The following KSR2 variants were observed in gnomAD, a reference collection of about 807,000 sequenced individuals.
The protein encoded by KSR2 is kinase suppressor of ras 2.
A neutral mutation model predicts 107.8 loss-of-function variants in KSR2; 25 were observed. The ratio of observed to expected loss-of-function variants is 0.23; its 90% CI spans 0.17 to 0.32. KSR2 has a LOEUF of 0.32. Ranked by LOEUF, KSR2 falls within the 10% of genes least tolerant of loss-of-function variation. The pLI is 1.00. For missense variants in KSR2, 887 were observed against 1,268.9 expected (o/e 0.70, Z 4.57); for synonymous variants, 480 against 507.0 (o/e 0.95, Z 0.71).
chr12:117,554,535 C>T (rs1236748997), intron 9 of KSR2, among the ~76,000 whole-genome samples: 1 of 152,072 alleles, frequency 6.6e-6, no homozygotes, highest in Non-Finnish European at 1.5e-5. Flanking sequence ...TCCCACAATT[C>T]CCACATGTCA....
At chr12:117,943,372 A>G (rs1272636991) in intron 1 of KSR2, among the ~76,000 whole-genome samples, 2 of 152,006 alleles carry the variant, frequency 1.3e-5, no homozygotes, top group African/African-American at 4.8e-5. Flanking sequence ...TTGAACCATC[A>G]TGTACAACTA....
intron 4 of KSR2, among the ~76,000 whole-genome samples, chr12:117,737,063 A>G (rs1275750733): frequency 6.6e-6 from 1 of 152,074 alleles, no homozygotes; most frequent in African/African-American, 2.4e-5. Context: ...TTCAAACACC[A>G]TTTTCACCTG....
chr12:117,781,229 T>A (rs1345852739), intron 3 of KSR2, among the ~76,000 whole-genome samples: 1 of 152,226 alleles, frequency 6.6e-6, no homozygotes, highest in African/African-American at 2.4e-5. Flanking sequence ...CTCCCAGTCA[T>A]GTGGAATTGT....
At chr12:117,648,792 C>A (rs918004651) in intron 5 of KSR2, among the ~76,000 whole-genome samples, 2 of 152,212 alleles carry the variant, frequency 1.3e-5, no homozygotes, top group Admixed American at 1.3e-4. Flanking sequence ...TCCAACCAAT[C>A]ACGCCAAGCC....
chr12:117,593,816 T>C (rs1383758803), intron 5 of KSR2, among the ~76,000 whole-genome samples: 1 of 152,262 alleles, frequency 6.6e-6, no homozygotes, highest in African/African-American at 2.4e-5. Context: ...TCTCTCTTCC[T>C]GGCTGGAGAA....
chr12:117,895,058 T>C (rs974235207), intron 1 of KSR2, among the ~76,000 whole-genome samples: 1 of 151,514 alleles, frequency 6.6e-6, no homozygotes, highest in Non-Finnish European at 1.5e-5. Flanking sequence ...AGTCAGACTC[T>C]GTCTCTACAA....
intron 4 of KSR2, among the ~76,000 whole-genome samples, chr12:117,754,146 T>G (rs1456545477): frequency 6.6e-6 from 1 of 152,116 alleles, no homozygotes; most frequent in East Asian, 1.9e-4. Flanking sequence ...TTCTAACACA[T>G]TCCAACACAC....
intron 1 of KSR2, among the ~76,000 whole-genome samples, chr12:117,930,221 A>G (rs1895659037): frequency 6.6e-6 from 1 of 152,058 alleles, no homozygotes. Context: ...TTTAGCAGAG[A>G]AGGGTTTTAG....
At chr12:117,488,700 C>CT (rs71099056) in intron 14 of KSR2, among the ~76,000 whole-genome samples, 35,751 of 144,556 alleles carry the variant, frequency 0.25, 4,687 homozygotes, top group East Asian at 0.34. Context: ...TTTCTTTTTT[C>CT]TTTTTTTTTT....
At position 117,968,148 on chromosome 12, in the gene KSR2, G is replaced by A. The variant is rs753522586; in HGVS notation, c.108C>T (p.Ser36=). Residue 36 remains serine (S), a synonymous_variant, in exon 1 of 20, where the codon TCC becomes TCT. Transcript: ENST00000339824. The stretch of plus-strand genomic sequence containing the variant: ...ATTTGGTCCTAAGCCCTTCCAGGTT[G>A]GAGATGCTCAAGTCTATCATGTTTT... The part of the protein sequence containing the change: ...LVQNMIDLSI[S]NLEGLRTKCA... 1.9e-6 allele frequency: 3 copies of A among 1,611,484 alleles called. No homozygotes were observed. Among genetic ancestry groups the A allele is most frequent in the Non-Finnish European group, 2.5e-6 (3 of 1,179,274 alleles).
chr12:117,652,120 C>T (rs139305827), intron 5 of KSR2, among the ~76,000 whole-genome samples: 104 of 152,128 alleles, frequency 6.8e-4, no homozygotes, highest in Middle Eastern at 6.8e-3. Context: ...GAGGACGCAA[C>T]GGCATAAGAA....
chr12:117,675,748 C>T (rs748047240), intron 4 of KSR2, among the ~76,000 whole-genome samples: 1 of 152,198 alleles, frequency 6.6e-6, no homozygotes, highest in Non-Finnish European at 1.5e-5. Context: ...CTTTACCCGG[C>T]CAAATCCCTC....
At chr12:117,862,643 T>TCAAAA (rs1239848124) in intron 1 of KSR2, among the ~76,000 whole-genome samples, 1 of 151,558 alleles carries the variant, frequency 6.6e-6, no homozygotes, top group East Asian at 1.9e-4. Flanking sequence ...AGACCATCAC[T>TCAAAA]CAAAACAAAA....
At chr12:117,485,456 C>A in intron 15 of KSR2, 139 bp downstream of exon 15, 1 of 617,632 alleles carries the variant, frequency 1.6e-6, no homozygotes, top group Non-Finnish European at 2.9e-6. Flanking sequence ...TTTTTCAGGT[C>A]AAGTCTAATT....
chr12:117,645,911 G>A (rs1565942343), intron 5 of KSR2, among the ~76,000 whole-genome samples: 1 of 126,762 alleles, frequency 7.9e-6, no homozygotes, highest in Non-Finnish European at 1.6e-5. Context: ...GTGTGTGTGT[G>A]TGTACAGCTG....
At chr12:117,711,956 AT>A (rs938904716) in intron 4 of KSR2, among the ~76,000 whole-genome samples, 2 of 152,318 alleles carry the variant, frequency 1.3e-5, no homozygotes, top group Non-Finnish European at 2.9e-5. Context: ...GCTGTCCTGC[AT>A]GGAGGCAGAG....
chr12:117,614,499 TG>T (rs1881768793), intron 5 of KSR2, among the ~76,000 whole-genome samples: 1 of 152,214 alleles, frequency 6.6e-6, no homozygotes, highest in Admixed American at 6.5e-5. Flanking sequence ...CATATCTCCC[TG>T]GGTGGGCTGT....
chr12:117,687,094 C>A (rs868169970), intron 4 of KSR2, among the ~76,000 whole-genome samples: 5 of 152,170 alleles, frequency 3.3e-5, no homozygotes, highest in African/African-American at 1.2e-4. Context: ...CTCAAAGCGG[C>A]GATTCTGTGA....
chr12:117,936,521 TTATTATTATTATTAGTAGTAG>T (rs1482938177), intron 1 of KSR2, among the ~76,000 whole-genome samples: 7 of 46,762 alleles, frequency 1.5e-4, no homozygotes, highest in South Asian at 6.7e-4. Flanking sequence ...TTTATTATTA[TTATTATTATTATTAGTAGTAG>T]TAGTAGTAGT....
Sources: allele counts gnomAD v4.1 joint callset (sites outside exome capture counted in the v4.1 genomes callset), GRCh38; gene constraint gnomAD v4.1.1; transcripts MANE v1.5; gene names NCBI Gene and HGNC (gene_info 2026-07-23, HGNC 2026-07-21).